Variants in MYH11 observed in about 807,000 individuals in gnomAD.
MYH11 encodes myosin heavy chain 11, also known as myosin-11.
Under a neutral mutation model 246.6 loss-of-function variants are expected in MYH11, and 80 were observed. That is an observed-to-expected ratio of 0.32 (90% CI 0.27 to 0.39). The LOEUF (loss-of-function observed/expected upper bound fraction) is 0.39. MYH11 is among the 10% of genes least tolerant of loss of function. The pLI is 1.00. For missense variants in MYH11, 2,158 were observed against 2,546.8 expected (o/e 0.85, Z 3.29); for synonymous variants, 1,071 against 1,015.5 (o/e 1.05, Z -1.04).
chr16:15,721,753 T>TACCTCAATGGGA (rs1321036318), intron 31 of MYH11, 119 bp from the exon 32 acceptor site: 1 of 1,039,680 alleles, frequency 9.6e-7, no homozygotes, highest in African/African-American at 1.6e-5. Context: ...GTGTAAGCAG[T>TACCTCAATGGGA]GTAGGTTAGC....
At chr16:15,789,798 T>C (rs2042566285) in intron 4 of MYH11, among the ~76,000 whole-genome samples, 2 of 152,220 alleles carry the variant, frequency 1.3e-5, no homozygotes, top group Non-Finnish European at 2.9e-5. Context: ...GAGAAATTTT[T>C]GGATGTAGGA....
At chr16:15,741,721 T>C (rs369438598) in intron 21 of MYH11, 39 bp downstream of exon 21, 1 of 1,614,036 alleles carries the variant, frequency 6.2e-7, no homozygotes, top group African/African-American at 1.3e-5. Context: ...GGCCAAGTCC[T>C]GTTCCCCAGC....
At chr16:15,791,240 G>A (rs1413328735) in intron 4 of MYH11, 1 of 152,208 alleles carries the variant, frequency 6.6e-6, no homozygotes, top group African/African-American at 2.4e-5. Context: ...CCAGGTGTGA[G>A]TCACTGCACT....
At chr16:15,730,479 T>C (rs2040928468) in intron 27 of MYH11, among the ~76,000 whole-genome samples, 1 of 151,404 alleles carries the variant, frequency 6.6e-6, no homozygotes, top group Non-Finnish European at 1.5e-5. Flanking sequence ...GAGGTGGAGG[T>C]TGCAGTGAGC....
chr16:15,757,143 A>C lies in MYH11; in HGVS notation c.1576-629T>G, dbSNP rs575800248. 2.3e-4 allele frequency among the ~76,000 whole-genome samples: 35 copies of C among 151,116 alleles called. No individual in the cohort carries two copies. In the East Asian group the frequency reaches 6.8e-3, roughly 29 times the overall value. On this transcript the variant is annotated intron_variant, in intron 13 of 40. Transcript: ENST00000300036. ...TGAATTTGTTGCTTGACTTGAATTCACCTAGGGTTCCTGTTAGAAAAGTTT... is the reference window on the plus strand; with the variant it reads ...TGAATTTGTTGCTTGACTTGAATTCCCCTAGGGTTCCTGTTAGAAAAGTTT...
chr16:15,756,312 C>CA, intron 14 of MYH11, 29 bp downstream of exon 14: 1 of 1,612,912 alleles, frequency 6.2e-7, no homozygotes, highest in Non-Finnish European at 8.5e-7. Context: ...TCCCCTGAGA[C>CA]AGAGTCCCCT....
At chr16:15,831,872 A>T (rs2043749177) in intron 2 of MYH11, among the ~76,000 whole-genome samples, 1 of 151,808 alleles carries the variant, frequency 6.6e-6, no homozygotes, top group Non-Finnish European at 1.5e-5. Flanking sequence ...CAGGAAATGG[A>T]GGTTGCAGTG....
chr16:15,738,479 C>T (rs1057185742), intron 24 of MYH11, 86 bp downstream of exon 24: 37 of 1,350,578 alleles, frequency 2.7e-5, no homozygotes, highest in Non-Finnish European at 3.7e-5. Flanking sequence ...CACCACTGCA[C>T]TGCAGCCTGG....
rs973170507 is a variant in MYH11, at chr16:15,714,560, T to C, written c.5786+349A>G. ...AAGGAGGTGAAGTGGCGGGGGGTGG[T>C]GTTGCAGCTTCAATGGATGTCGTGA... is the stretch of plus-strand genomic sequence containing the variant. On this transcript the variant is annotated intron_variant, in intron 40 of 40. Transcript: ENST00000300036. 9.9e-6 allele frequency: 4 copies of C among 404,970 alleles called. No individual in the cohort carries two copies. The South Asian group carries it at 1.1e-4, about 11-fold the overall frequency. The allele number at this position is 404,970 out of a possible 1,614,324, so 25.1% of individuals were successfully genotyped here. A position where few individuals can be genotyped will look rare whatever the true frequency, so the allele number is the denominator to read the frequency against.
chr16:15,788,641 A>T (rs901058913), intron 4 of MYH11, among the ~76,000 whole-genome samples: 4 of 152,138 alleles, frequency 2.6e-5, no homozygotes, highest in Non-Finnish European at 5.9e-5. Flanking sequence ...AGAATGATGA[A>T]ACATCTTGCG....
rs2041464542 is a variant in MYH11 at position 15,747,947 on chromosome 16, G to A, written c.2181-4C>T. 1 of 1,614,152 alleles carries A rather than the reference G, an allele frequency of 6.2e-7. No homozygotes were observed. Among genetic ancestry groups the A allele is most frequent in the East Asian group, 2.2e-5 (1 of 44,872 alleles). On this transcript the variant is annotated splice_region_variant and splice_polypyrimidine_tract_variant and intron_variant, in intron 17 of 40. Transcript: ENST00000300036. The stretch of plus-strand genomic sequence containing the variant: ...ATTCGCCGCCAGGATCTCGTAGCTT[G>A]AAACACAGAGCAGAAGTCACCCCGG...
rs558332944 is a variant in MYH11 at position 15,726,994 on chromosome 16, C to G, written c.3712G>C (p.Gly1238Arg). Reference sequence around the variant, plus strand: ...GCCTGGCCCAGGACCCGCAGCTCCCCGGCCAGGTCTGCGTTCTCTTTCTCC... The same window carrying G: ...GCCTGGCCCAGGACCCGCAGCTCCCGGGCCAGGTCTGCGTTCTCTTTCTCC... ...TLEKENADLA[G>R]ELRVLGQAKQ... is the part of the protein sequence containing the mutation. The change falls in exon 28 of 41, where the codon GGG becomes CGG. Residue 1238 changes from glycine (G) to arginine (R), a missense_variant. Around this residue, in one of 11 missense-constraint regions of MYH11, gnomAD observed 1,013 missense variants for 993.5 expected, o/e 1.02. Transcript: ENST00000300036. 31 of 1,612,014 alleles carry G rather than the reference C, an allele frequency of 1.9e-5. 1 individual carries two copies. The South Asian group carries it at 2.4e-4, about 13-fold the overall frequency.
intron 12 of MYH11, among the ~76,000 whole-genome samples, chr16:15,758,656 AAGT>A (rs1381796746): frequency 6.6e-6 from 1 of 151,886 alleles, no homozygotes; most frequent in Non-Finnish European, 1.5e-5. Context: ...AAAAAAAAAA[AAGT>A]AGCCAGGCAT....
intron 3 of MYH11, among the ~76,000 whole-genome samples, chr16:15,812,196 A>G (rs553549545): frequency 4.6e-5 from 7 of 152,112 alleles, no homozygotes; most frequent in African/African-American, 1.7e-4. Flanking sequence ...ATCCAAGTGT[A>G]TATTTGGCTC....
intron 5 of MYH11, chr16:15,784,865 TTTC>T (rs1567759302): frequency 1.2e-6 from 1 of 809,836 alleles, no homozygotes; most frequent in African/African-American, 1.7e-5. Context: ...CTTGATACTG[TTTC>T]TTTTCTCTCT....
intron 28 of MYH11, 38 bp downstream of exon 28, chr16:15,726,810 C>T: frequency 6.2e-7 from 1 of 1,605,312 alleles, no homozygotes; most frequent in Non-Finnish European, 8.5e-7. Context: ...TGGGCACCAC[C>T]CAGCACTGCC....
chr16:15,824,871 G>A (rs1314300951), intron 2 of MYH11, among the ~76,000 whole-genome samples: 5 of 152,154 alleles, frequency 3.3e-5, no homozygotes, highest in Non-Finnish European at 7.3e-5. Context: ...CTCAGTAACA[G>A]TGATTTCCCC....
At chr16:15,852,904 C>T (rs1182864749) in intron 1 of MYH11, among the ~76,000 whole-genome samples, 1 of 152,180 alleles carries the variant, frequency 6.6e-6, no homozygotes, top group Non-Finnish European at 1.5e-5. Flanking sequence ...GCCTAATTTA[C>T]TCAGAGATGG....
chr16:15,783,650 G>A (rs1026536291), intron 5 of MYH11: 8 of 152,146 alleles, frequency 5.3e-5, no homozygotes, highest in African/African-American at 1.7e-4. Flanking sequence ...GTGGGAAGAC[G>A]ACTAAAGGAA....
Sources: allele counts gnomAD v4.1 joint callset (sites outside exome capture counted in the v4.1 genomes callset), GRCh38; gene constraint gnomAD v4.1.1; regional missense constraint gnomAD v4.1.1; transcripts MANE v1.5; gene names NCBI Gene and HGNC (gene_info 2026-07-23, HGNC 2026-07-21).